Variants in AOX1 observed in about 807,000 individuals in gnomAD.
AOX1 encodes aldehyde oxidase.
Under a neutral mutation model 169.5 loss-of-function variants are expected in AOX1, and 153 were observed. The observed-to-expected ratio is 0.90, with a 90% CI of 0.79 to 1.03. AOX1 has a LOEUF of 1.03. Among genes scored for constraint, AOX1 ranks in the 50% least tolerant of loss-of-function variants. The probability of loss-of-function intolerance (pLI) is 0.00; values close to 1 mark genes in which losing one functional copy is unlikely to be tolerated. For synonymous variants in AOX1, 562 were observed against 581.9 expected, an observed-to-expected ratio of 0.97 and a Z score of 0.49; for missense variants, 1,656 against 1,663.9, an observed-to-expected ratio of 1.00 and a Z score of 0.08.
rs1409845530 is a variant in AOX1 at position 200,628,512 on chromosome 2, T to TACAG, written c.2221+1067_2221+1070dup. ...TGCCTGCCTCACAAGATCTCTGATT[T>TACAG]ACAGACATGCTATTGGGTGGGTATG... On this transcript the variant is annotated intron_variant, in intron 20 of 34. Coordinates refer to ENST00000374700, the MANE Select transcript of AOX1 (RefSeq NM_001159.4). Among the ~76,000 whole-genome samples, 6 of 152,314 alleles carry TACAG rather than the reference T, an allele frequency of 3.9e-5. No homozygotes were observed. In the East Asian group the frequency reaches 1.2e-3, roughly 29 times the overall value.
At chr2:200,664,007 C>A (rs565170972) in intron 31 of AOX1, among the ~76,000 whole-genome samples, 1 of 152,170 alleles carries the variant, frequency 6.6e-6, no homozygotes, top group Non-Finnish European at 1.5e-5. Flanking sequence ...GACTGGATCT[C>A]TATAGGGTAA....
At chr2:200,662,396 G>A (rs1410305489) in intron 30 of AOX1, among the ~76,000 whole-genome samples, 1 of 152,178 alleles carries the variant, frequency 6.6e-6, no homozygotes, top group Non-Finnish European at 1.5e-5. Flanking sequence ...GAGCTTGATG[G>A]TGAGAGACCA....
intron 26 of AOX1, 120 bp from the exon 27 acceptor site, chr2:200,656,722 T>C: frequency 1.7e-6 from 1 of 603,512 alleles, no homozygotes; most frequent in Non-Finnish European, 2.5e-6. Flanking sequence ...AAAATGTTGC[T>C]CCACCCTGGG....
downstream of AOX1, among the ~76,000 whole-genome samples, chr2:200,681,922 TG>T (rs955735785): frequency 2.0e-5 from 3 of 151,914 alleles, no homozygotes; most frequent in Non-Finnish European, 4.4e-5. Context: ...TGTGACCTTT[TG>T]GGGTTTTTTT....
chr2:200,612,475 A>T (rs1239997716), intron 13 of AOX1, 134 bp from the exon 14 acceptor site: 1 of 798,000 alleles, frequency 1.3e-6, no homozygotes, highest in Non-Finnish European at 2.1e-6. Context: ...ACACACACAC[A>T]CTACCTGGTG....
intron 25 of AOX1, among the ~76,000 whole-genome samples, chr2:200,647,933 A>AT (rs1025215598): frequency 1.5e-4 from 19 of 127,828 alleles, no homozygotes; most frequent in Admixed American, 4.7e-4. Context: ...AGTTTCCTGA[A>AT]TTTTTTTATT....
intron 19 of AOX1, among the ~76,000 whole-genome samples, chr2:200,624,869 G>A (rs189404458): frequency 2.0e-5 from 3 of 152,240 alleles, no homozygotes; most frequent in East Asian, 3.9e-4. Flanking sequence ...GTCCATACAG[G>A]CCGCATGTGC....
At chr2:200,641,397 T>C (rs929873605) in intron 24 of AOX1, among the ~76,000 whole-genome samples, 3 of 152,116 alleles carry the variant, frequency 2.0e-5, no homozygotes, top group South Asian at 4.2e-4. Context: ...CGGCTTCCCA[T>C]ACTTAGAGCT....
chr2:200,667,078 G>A (rs985970149), intron 32 of AOX1, among the ~76,000 whole-genome samples: 2 of 152,188 alleles, frequency 1.3e-5, no homozygotes, highest in East Asian at 1.9e-4. Flanking sequence ...TTAGCCACAC[G>A]ATGGGCTTCA....
intron 13 of AOX1, 32 bp downstream of exon 13, chr2:200,611,525 G>T (rs775950293): frequency 1.5e-6 from 2 of 1,373,400 alleles, no homozygotes; most frequent in Admixed American, 3.4e-5. Context: ...TTTCCCAGTT[G>T]CACCTGTGAT....
At chr2:200,607,740 G>A (rs571694370) in intron 10 of AOX1, among the ~76,000 whole-genome samples, 12 of 152,034 alleles carry the variant, frequency 7.9e-5, no homozygotes, top group Non-Finnish European at 1.6e-4. Context: ...ATGATAGACT[G>A]GATAAAGAAA....
intron 20 of AOX1, among the ~76,000 whole-genome samples, chr2:200,629,394 G>A (rs2035067727): frequency 6.6e-6 from 1 of 152,210 alleles, no homozygotes; most frequent in African/African-American, 2.4e-5. Flanking sequence ...ATGATTATTA[G>A]ATTTAGATGT....
rs5837752 is a variant in AOX1 at position 200,657,190 on chromosome 2, A to ATTTTT, written c.3171+264_3171+268dup. 2.8e-3 allele frequency among the ~76,000 whole-genome samples: 175 copies of ATTTTT among 62,868 alleles called. 3 individuals carry two copies. Among genetic ancestry groups the ATTTTT allele is most frequent in the East Asian group, 0.022 (24 of 1,092 alleles). 41.2% of individuals were successfully genotyped at this position (62,868 alleles called of 152,430 possible). ...AATATATATATATATATATATATATATTTTTTTTTTTTTTTAATTAGCAGG... is the reference window on the plus strand; with the variant it reads ...AATATATATATATATATATATATATATTTTTTTTTTTTTTTTTTTTAATTAGCAGG... On this transcript the variant is annotated intron_variant, in intron 27 of 34. Coordinates refer to ENST00000374700, the MANE Select transcript of AOX1 (RefSeq NM_001159.4).
At chr2:200,663,034 T>C (rs2035858687) in intron 31 of AOX1, 65 bp downstream of exon 31, 1 of 1,274,962 alleles carries the variant, frequency 7.8e-7, no homozygotes. Context: ...ACAGATGCCA[T>C]CTATCTGAGG....
At chr2:200,589,479 CA>C (rs2034124016) in intron 1 of AOX1, among the ~76,000 whole-genome samples, 1 of 152,178 alleles carries the variant, frequency 6.6e-6, no homozygotes, top group South Asian at 2.1e-4. Context: ...TCTGCTCTGC[CA>C]CTTGGCGGGT....
rs1461977465 is a variant in AOX1 at position 200,668,802 on chromosome 2, A to T, written c.3797A>T (p.Lys1266Met). The T allele has an allele frequency of 6.2e-7, 1 of 1,613,550 alleles. No individual in the cohort carries two copies. Among genetic ancestry groups the T allele is most frequent in the African/African-American group, 1.3e-5 (1 of 74,910 alleles). The part of the protein sequence containing the change: ...SQNSNTLYSS[K>M]GLGESGVFLG... The stretch of plus-strand genomic sequence containing the variant: ...AACTCAAATACTCTTTATTCATCTA[A>T]GGTAAGTAATGTTCTATGGGTAAAT... The change falls in exon 33 of 35, where the codon AAG (lysine) becomes ATG (methionine). Residue 1266 changes from lysine (K) to methionine (M), a missense_variant and splice_region_variant. Lys to Met is a moderately conservative substitution (Grantham distance 95). Coordinates refer to ENST00000374700, the MANE Select transcript of AOX1 (RefSeq NM_001159.4).
chr2:200,601,034 T>C (rs1403700055), intron 5 of AOX1, among the ~76,000 whole-genome samples: 1 of 150,728 alleles, frequency 6.6e-6, no homozygotes, highest in Non-Finnish European at 1.5e-5. Context: ...TGCTGCTGTA[T>C]AATAACTTTG....
rs1280966791 is a variant in AOX1, at chr2:200,657,196, T to A, written c.3171+259T>A. Among the ~76,000 whole-genome samples, 723 of 107,336 alleles carry A rather than the reference T, an allele frequency of 6.7e-3. 6 individuals are homozygous for A. Among genetic ancestry groups the A allele is most frequent in the Middle Eastern group, 0.035 (7 of 200 alleles). 70.4% of individuals were successfully genotyped at this position (107,336 alleles called of 152,430 possible). ...TATATATATATATATATATATTTTT[T>A]TTTTTTTTTAATTAGCAGGGCATGG... On this transcript the variant is annotated intron_variant, in intron 27 of 34. Coordinates refer to ENST00000374700, the MANE Select transcript of AOX1 (RefSeq NM_001159.4).
rs767168233 is a variant in AOX1, at chr2:200,660,010, C to A, written c.3316C>A (p.Leu1106Ile). Reference sequence around the variant, plus strand: ...TAATCTCTAGGATGCCTGTCAAACTCTTCTAAAACGCCTCGAACCCATCAT... The same window carrying A: ...TAATCTCTAGGATGCCTGTCAAACTATTCTAAAACGCCTCGAACCCATCAT... Reference protein sequence around the residue: ...GLAVKDACQTLLKRLEPIISK... With the variant: ...GLAVKDACQTILKRLEPIISK... Residue 1106 changes from leucine to isoleucine, a missense_variant, in exon 29 of 35, where the codon CTT becomes ATT. Transcript: ENST00000374700. The A allele has an allele frequency of 1.4e-5, 23 of 1,613,458 alleles. No individual in the cohort carries two copies. The Admixed American group carries it at 3.0e-4, about 21-fold the overall frequency.
Sources: gnomAD v4.1 joint callset for allele counts (sites outside exome capture counted in the v4.1 genomes callset) on GRCh38, gnomAD v4.1.1 for gene constraint, MANE v1.5 for transcripts, NCBI Gene and HGNC (gene_info 2026-07-23, HGNC 2026-07-21) for gene names.